IFNA13: variants seen among roughly 807,000 people sequenced by gnomAD.
IFNA13 encodes interferon alpha 13.
For synonymous variants in IFNA13, 61 were observed against 86.3 expected, an observed-to-expected ratio of 0.71 and a Z score of 1.62; for missense variants, 166 against 220.7, an observed-to-expected ratio of 0.75 and a Z score of 1.57.
At chr9:21,367,694 A>G (rs769345144) in exon 1 of IFNA13, 1 of 1,451,682 alleles carries the variant, frequency 6.9e-7, no homozygotes. Context: ...GAATTTGTCT[A>G]GGAGGTCCTC....
downstream of IFNA13, chr9:21,367,411 A>G: frequency 6.2e-7 from 1 of 1,613,210 alleles, no homozygotes; most frequent in Non-Finnish European, 8.5e-7. Context: ...ATGAGTCAAT[A>G]AGAATTGTTT....
At position 21,367,577 on chromosome 9, in the gene IFNA13, T is replaced by C. The variant is rs749399734; in HGVS notation, c.434A>G (p.Lys145Arg). 2.4e-5 allele frequency: 38 copies of C among 1,604,784 alleles called. 1 individual carries two copies. Among genetic ancestry groups the C allele is most frequent in the South Asian group, 1.8e-4 (16 of 90,384 alleles). The stretch of plus-strand genomic sequence containing the variant: ...GAGAGTGATTCTTCGGAAGTATTTC[T>C]TCACAGCCAAGATGGAGTCCGCATT... Residue 145 changes from lysine (K) to arginine (R), a missense_variant, in exon 1 of 1, where the codon AAG becomes AGG. Coordinates refer to ENST00000610660, the Ensembl canonical transcript of IFNA13.
Position 21,367,483 on chromosome 9 carries a change from G to C in IFNA13, c.528C>G (p.Leu176=), listed in dbSNP as rs769811432. The change falls in exon 1 of 1, where the codon CTC becomes CTG. Residue 176 remains leucine, a synonymous_variant. Coordinates refer to ENST00000610660, the Ensembl canonical transcript of IFNA13. ...TTTCTTGCAAGTTTGTTGATAAAGA[G>C]AGGGATCTCATGATTTCTGCTCTGA... 3 of 1,612,252 alleles carry C rather than the reference G, an allele frequency of 1.9e-6. No homozygotes were observed. In the East Asian group the frequency reaches 6.7e-5, roughly 36 times the overall value.
rs777600445 is a variant in IFNA13 at position 21,368,004 on chromosome 9, C to T, written c.7G>A (p.Ala3Thr). 2.9e-5 allele frequency: 47 copies of T among 1,612,610 alleles called. No homozygotes were observed. The South Asian group carries it at 4.7e-4, about 16-fold the overall frequency. ...GCCATCAGTAAAGCAAAGGGCGAGG[C>T]CATCATAGATATTGCAGATGCTTCT... The change falls in exon 1 of 1, where the codon GCC becomes ACC. Residue 3 changes from alanine (A) to threonine (T), a missense_variant. By Grantham distance (58) the Ala-to-Thr change is moderately conservative (BLOSUM62 0). Coordinates refer to ENST00000610660, the Ensembl canonical transcript of IFNA13.
chr9:21,367,603 C>T, exon 1 of IFNA13: 2 of 1,589,802 alleles, frequency 1.3e-6, no homozygotes, highest in Non-Finnish European at 1.7e-6. Context: ...AGTCCGCATT[C>T]ATCAGGGGAG....
exon 1 of IFNA13, chr9:21,367,729 T>C (rs1260903878): frequency 3.6e-5 from 51 of 1,436,558 alleles, no homozygotes; most frequent in Non-Finnish European, 4.7e-5. Context: ...ATGAATCTTT[T>C]GTGGTAAAGA....
At chr9:21,367,669 G>A (rs746837462) in exon 1 of IFNA13, 29 of 1,496,586 alleles carry the variant, frequency 1.9e-5, no homozygotes, top group African/African-American at 1.5e-5. Flanking sequence ...TCAGCTGCTG[G>A]TAGAGTTCGG....
downstream of IFNA13, chr9:21,367,386 A>C: frequency 1.9e-6 from 3 of 1,604,978 alleles, no homozygotes; most frequent in Non-Finnish European, 2.5e-6. Flanking sequence ...AATTCATGAA[A>C]GCGTGACCTG....
exon 1 of IFNA13, chr9:21,367,678 G>A (rs770564719): frequency 1.7e-5 from 25 of 1,485,392 alleles, no homozygotes; most frequent in East Asian, 9.3e-5. Flanking sequence ...GGTAGAGTTC[G>A]GTGCAGAATT....
exon 1 of IFNA13, chr9:21,367,784 G>A (rs200302506): frequency 3.2e-6 from 5 of 1,546,648 alleles, no homozygotes; most frequent in Middle Eastern, 1.9e-4. Flanking sequence ...AGAGATGGCT[G>A]GAGCCTTCTG....
chr9:21,367,859 G>A, exon 1 of IFNA13: 3 of 1,608,314 alleles, frequency 1.9e-6, no homozygotes, highest in Non-Finnish European at 2.5e-6. Flanking sequence ...CAGACAGGAG[G>A]AAGGAGAGAT....
At chr9:21,367,377 A>G (rs1820643270), downstream of IFNA13, 3 of 1,597,952 alleles carry the variant, frequency 1.9e-6, no homozygotes, top group African/African-American at 4.1e-5. Flanking sequence ...AAATGGCAGA[A>G]TTCATGAAAG....
chr9:21,367,827 A>G lies in IFNA13; in HGVS notation c.184T>C (p.Phe62Leu), dbSNP rs766804736. The stretch of plus-strand genomic sequence containing the variant: ...TTGCCATCAAACTCCTCCTGGGGAA[A>G]TCCAAAGTCATGTCTGTCCATCAGA... The change falls in exon 1 of 1, where the codon TTT becomes CTT. Residue 62 changes from phenylalanine (F) to leucine (L), a missense_variant. By Grantham distance (22) the Phe-to-Leu change is conservative. Coordinates refer to ENST00000610660, the Ensembl canonical transcript of IFNA13. 1.9e-5 allele frequency: 31 copies of G among 1,599,550 alleles called. No individual in the cohort carries two copies. The highest frequency in any genetic ancestry group is 2.6e-5 in the Non-Finnish European group (30 of 1,174,932).
chr9:21,368,057 C>A (rs568939377), exon 1 of IFNA13: 3 of 1,604,690 alleles, frequency 1.9e-6, no homozygotes, highest in African/African-American at 2.7e-5. Context: ...TGACTCTGAA[C>A]CTTGGGCTCT....
At chr9:21,367,974 C>A (rs750600628) in exon 1 of IFNA13, 2 of 1,613,006 alleles carry the variant, frequency 1.2e-6, no homozygotes, top group Non-Finnish European at 1.7e-6. Context: ...CTGAGCACCA[C>A]CAGGGCCATC....
At chr9:21,367,796 A>T (rs1470582946) in exon 1 of IFNA13, 1 of 1,577,322 alleles carries the variant, frequency 6.3e-7, no homozygotes, top group Non-Finnish European at 8.6e-7. Context: ...AGCCTTCTGG[A>T]ACTGGTTGCC....
chr9:21,367,469 T>C (rs1820644902), exon 1 of IFNA13: 1 of 1,612,980 alleles, frequency 6.2e-7, no homozygotes, highest in Admixed American at 1.7e-5. Context: ...TTCTTGCAAG[T>C]TTGTTGATAA....
At position 21,367,606 on chromosome 9, in the gene IFNA13, C is replaced by T. The variant is rs376589976; in HGVS notation, c.405G>A (p.Leu135=). The change falls in exon 1 of 1, where the codon CTG becomes CTA. Residue 135 remains leucine (L), a synonymous_variant. Coordinates refer to ENST00000610660, the Ensembl canonical transcript of IFNA13. ...CAGCCAAGATGGAGTCCGCATTCATCAGGGGAGTTTCTCCCACCCTCTCCT... is the reference window on the plus strand; with the variant it reads ...CAGCCAAGATGGAGTCCGCATTCATTAGGGGAGTTTCTCCCACCCTCTCCT... 3 of 1,587,980 alleles carry T rather than the reference C, an allele frequency of 1.9e-6. No homozygotes were observed. In the African/African-American group the frequency reaches 4.2e-5, roughly 22 times the overall value.
At chr9:21,367,674 G>A (rs1820648377) in exon 1 of IFNA13, 2 of 1,491,730 alleles carry the variant, frequency 1.3e-6, no homozygotes, top group East Asian at 2.3e-5. Context: ...TGCTGGTAGA[G>A]TTCGGTGCAG....
Sources: allele counts gnomAD v4.1 joint callset, GRCh38; gene constraint gnomAD v4.1.1; transcripts MANE v1.5; gene names NCBI Gene and HGNC (gene_info 2026-07-23, HGNC 2026-07-21).